DNAJC2: variants seen among roughly 807,000 people sequenced by gnomAD.
The protein encoded by DNAJC2 is dnaJ homolog subfamily C member 2.
In DNAJC2, 32 loss-of-function variants were observed where a neutral mutation model predicts 94.0. That is an observed-to-expected ratio of 0.34 (90% CI 0.26 to 0.46). DNAJC2 has a LOEUF of 0.46. DNAJC2 is among the 20% of genes least tolerant of loss of function. DNAJC2 has a pLI of 1.00. For missense variants in DNAJC2, 550 were observed against 719.5 expected (o/e 0.76, Z 2.69); for synonymous variants, 210 against 229.7 (o/e 0.91, Z 0.77).
At chr7:103,321,072 C>A (rs1818378889) in intron 10 of DNAJC2, among the ~76,000 whole-genome samples, 1 of 151,074 alleles carries the variant, frequency 6.6e-6, no homozygotes, top group Admixed American at 6.6e-5. Flanking sequence ...GTGGTATGCA[C>A]CTGTAATCCC....
In DNAJC2 at chr7:103,316,801, T is replaced by C. The variant is rs758622278; in HGVS notation, c.1427+29A>G. 1.3e-5 allele frequency: 20 copies of C among 1,591,306 alleles called. 1 individual carries two copies. Among genetic ancestry groups the C allele is most frequent in the Non-Finnish European group, 1.6e-5 (19 of 1,164,278 alleles). ...CATTATCTCCAGGCTCCAGTGTGAG[T>C]TGAAGAAAAGTTTCATTAAAACCAG... is the stretch of plus-strand genomic sequence containing the variant. On this transcript the variant is annotated intron_variant, in intron 13 of 16. Transcript: ENST00000379263.
intron 10 of DNAJC2, chr7:103,320,817 TATCTC>T (rs1316035067): frequency 5.4e-6 from 1 of 186,698 alleles, no homozygotes; most frequent in Non-Finnish European, 1.1e-5. Flanking sequence ...TATCTTCAGT[TATCTC>T]AGCATGTCTT....
intron 3 of DNAJC2, among the ~76,000 whole-genome samples, chr7:103,332,226 C>T (rs1819006019): frequency 6.6e-6 from 1 of 152,136 alleles, no homozygotes; most frequent in African/African-American, 2.4e-5. Context: ...AGGATGGTCT[C>T]GATCTCCTGA....
At chr7:103,337,997 T>C (rs1324845773) in intron 2 of DNAJC2, among the ~76,000 whole-genome samples, 186 bp from the exon 3 acceptor site, 2 of 152,202 alleles carry the variant, frequency 1.3e-5, no homozygotes, top group Non-Finnish European at 2.9e-5. Flanking sequence ...CTGGGTGCCA[T>C]GGTTCATGCC....
intron 3 of DNAJC2, among the ~76,000 whole-genome samples, chr7:103,331,236 G>T (rs923959808): frequency 6.6e-6 from 1 of 152,214 alleles, no homozygotes; most frequent in African/African-American, 2.4e-5. Context: ...GGGATTACAG[G>T]CGTGAGCCAC....
At chr7:103,329,011 G>A (rs1294832032) in intron 3 of DNAJC2, 8 of 1,272,120 alleles carry the variant, frequency 6.3e-6, no homozygotes, top group African/African-American at 3.1e-5. Flanking sequence ...ATACTCCTAC[G>A]TGAACATCCT....
rs1478592317 is a variant in DNAJC2, at chr7:103,315,834, A to T, written c.1566T>A (p.Phe522Leu). ...CTCCATGTTCTTTTTTGAACTTATC[A>T]AATGCCTTTTTATTTATGTCATCTT... is the stretch of plus-strand genomic sequence containing the variant. ...HQKDDINKKA[F>L]DKFKKEHGVV... Residue 522 changes from phenylalanine to leucine, a missense_variant, in exon 15 of 17, where the codon TTT (phenylalanine) becomes TTA (leucine). By Grantham distance (22) the Phe-to-Leu change is conservative. Transcript: ENST00000379263. 6 of 1,613,758 alleles carry T rather than the reference A, an allele frequency of 3.7e-6. No individual in the cohort carries two copies. Among genetic ancestry groups the T allele is most frequent in the Non-Finnish European group, 5.1e-6 (6 of 1,179,778 alleles).
chr7:103,323,672 G>A lies in DNAJC2; in HGVS notation c.654-9C>T. ...AAGAATCAAAATTATACCTAATATAGACAGAAATAATACATGATCAAGACA... is the reference window on the plus strand; with the variant it reads ...AAGAATCAAAATTATACCTAATATAAACAGAAATAATACATGATCAAGACA... On this transcript the variant is annotated splice_polypyrimidine_tract_variant and intron_variant, in intron 6 of 16. Coordinates refer to ENST00000379263, the MANE Select transcript of DNAJC2 (RefSeq NM_014377.3). 7.2e-7 allele frequency: 1 copy of A among 1,397,446 alleles called. No homozygotes were observed. The highest frequency in any genetic ancestry group is 9.7e-7 in the Non-Finnish European group (1 of 1,033,528). 86.6% of individuals were successfully genotyped at this position (1,397,446 alleles called of 1,614,324 possible).
At chr7:103,341,672 C>T in intron 2 of DNAJC2, 92 bp downstream of exon 2, 1 of 1,109,664 alleles carries the variant, frequency 9.0e-7, no homozygotes, top group African/African-American at 1.6e-5. Flanking sequence ...GCTGAATCAT[C>T]TTAAAACATG....
chr7:103,343,350 T>G (rs1379140807), intron 1 of DNAJC2, among the ~76,000 whole-genome samples: 2 of 152,134 alleles, frequency 1.3e-5, no homozygotes, highest in African/African-American at 4.8e-5. Context: ...TCTTAAAAAT[T>G]TTAAGAATTC....
chr7:103,322,660 TTGAATTTC>T, intron 8 of DNAJC2, 28 bp from the exon 9 acceptor site: 1 of 1,613,138 alleles, frequency 6.2e-7, no homozygotes, highest in Non-Finnish European at 8.5e-7. Context: ...TAATCTCATT[TTGAATTTC>T]TAACATTTAG....
Position 103,312,411 on chromosome 7 carries a change from C to T in DNAJC2, c.*158G>A, listed in dbSNP as rs1242728937. On this transcript the variant is annotated 3_prime_UTR_variant, in exon 17 of 17. Transcript: ENST00000379263. ...TTCAAAGGATAAAAAGACTACCCCTCTGAAGGTTGTTTTGTATTAATGGTC... is the reference window on the plus strand; with the variant it reads ...TTCAAAGGATAAAAAGACTACCCCTTTGAAGGTTGTTTTGTATTAATGGTC... The T allele has an allele frequency of 1.3e-6, 2 of 1,508,482 alleles. No individual in the cohort carries two copies. The highest frequency in any genetic ancestry group is 8.8e-7 in the Non-Finnish European group (1 of 1,138,166). The allele number at this position is 1,508,482 out of a possible 1,614,324, so 93.4% of individuals were successfully genotyped here. A position where few individuals can be genotyped will look rare whatever the true frequency, so the allele number is the denominator to read the frequency against.
intron 2 of DNAJC2, among the ~76,000 whole-genome samples, chr7:103,341,097 CCT>C (rs1325667770): frequency 2.6e-5 from 4 of 152,122 alleles, no homozygotes; most frequent in Admixed American, 6.6e-5. Flanking sequence ...AAATCTGACC[CCT>C]CTTCCTCAAA....
In DNAJC2 at chr7:103,341,820, C is replaced by T. The variant is rs1431544382; in HGVS notation, c.199G>A (p.Glu67Lys). 1 of 1,609,962 alleles carries T rather than the reference C, an allele frequency of 6.2e-7. No homozygotes were observed. The highest frequency in any genetic ancestry group is 1.7e-5 in the Admixed American group (1 of 58,868). ...KELSEESEDE[E>K]LQLEEFPMLK... ...ATGGGAAACTCTTCCAACTGCAATT[C>T]TTCATCTTCTGATTCCTCGGATAAC... The change falls in exon 2 of 17, where the codon GAA (glutamate) becomes AAA (lysine). Residue 67 changes from glutamate (E) to lysine (K), a missense_variant. Coordinates refer to ENST00000379263, the MANE Select transcript of DNAJC2 (RefSeq NM_014377.3).
At chr7:103,335,224 A>G (rs1378823733) in intron 3 of DNAJC2, 1 of 152,240 alleles carries the variant, frequency 6.6e-6, no homozygotes, top group Non-Finnish European at 1.5e-5. Flanking sequence ...GCAAGCATTC[A>G]AAGGACATCA....
At chr7:103,333,661 C>T (rs1203492480) in intron 3 of DNAJC2, among the ~76,000 whole-genome samples, 1 of 152,184 alleles carries the variant, frequency 6.6e-6, no homozygotes, top group Non-Finnish European at 1.5e-5. Flanking sequence ...TTCCACTGGG[C>T]TCCCATCCTC....
At chr7:103,328,612 C>CA (rs1818832950) in intron 3 of DNAJC2, among the ~76,000 whole-genome samples, 2 of 151,892 alleles carry the variant, frequency 1.3e-5, no homozygotes, top group Non-Finnish European at 2.9e-5. Flanking sequence ...GCCTGGGTGA[C>CA]AGAGTGAGAC....
intron 1 of DNAJC2, 76 bp downstream of exon 1, chr7:103,344,482 GC>G (rs1029350543): frequency 1.3e-6 from 2 of 1,539,896 alleles, no homozygotes; most frequent in Admixed American, 3.3e-5. Flanking sequence ...GGTAGAGAGA[GC>G]CCAGGGTTGC....
In DNAJC2 at chr7:103,316,986, T is replaced by C. The variant is rs375269307; in HGVS notation, c.1271A>G (p.Lys424Arg). Reference protein sequence around the residue: ...QIEEINEQIRKEKEEAEARMR... With the variant: ...QIEEINEQIRREKEEAEARMR... ...ACGAGCCTCAGCTTCCTCTTTCTCTTTTCTGATTTGCTCATTTATTTCTTC... is the reference window on the plus strand; with the variant it reads ...ACGAGCCTCAGCTTCCTCTTTCTCTCTTCTGATTTGCTCATTTATTTCTTC... Residue 424 changes from lysine (K) to arginine (R), a missense_variant, in exon 13 of 17, where the codon AAA (lysine) becomes AGA (arginine). Around this residue, in one of 2 missense-constraint regions of DNAJC2, gnomAD observed 271 missense variants for 302.6 expected, o/e 0.90. Coordinates refer to ENST00000379263, the MANE Select transcript of DNAJC2 (RefSeq NM_014377.3). The C allele has an allele frequency of 8.7e-6, 14 of 1,613,718 alleles. No homozygotes were observed. The African/African-American group carries it at 1.9e-4, about 22-fold the overall frequency.
Sources: allele counts gnomAD v4.1 joint callset (sites outside exome capture counted in the v4.1 genomes callset), GRCh38; gene constraint gnomAD v4.1.1; regional missense constraint gnomAD v4.1.1; transcripts MANE v1.5; gene names NCBI Gene and HGNC (gene_info 2026-07-23, HGNC 2026-07-21).